The following ADCY10 variants were observed in gnomAD, a reference collection of about 807,000 sequenced individuals.
ADCY10 encodes adenylate cyclase 10, also known as adenylate cyclase type 10.
A neutral mutation model predicts 183.3 loss-of-function variants in ADCY10; 156 were observed. The ratio of observed to expected loss-of-function variants is 0.85; its 90% CI spans 0.75 to 0.97. ADCY10 has a LOEUF of 0.97. Among genes scored for constraint, ADCY10 ranks in the 50% least tolerant of loss-of-function variants. The pLI is 0.00. For missense variants in ADCY10, 1,745 were observed against 1,934.3 expected, an observed-to-expected ratio of 0.90 and a Z score of 1.84; for synonymous variants, 645 against 670.0, an observed-to-expected ratio of 0.96 and a Z score of 0.58.
chr1:167,809,516 C>A lies in ADCY10; in HGVS notation c.*162G>T. On this transcript the variant is annotated 3_prime_UTR_variant, in exon 33 of 33. Transcript: ENST00000367851. Reference sequence around the variant, plus strand: ...AGAAGTAAACCATGACACTCCTGACCCTTGTAGGCCCTCCAGAAAGAGAAG... The same window carrying A: ...AGAAGTAAACCATGACACTCCTGACACTTGTAGGCCCTCCAGAAAGAGAAG... 1.3e-6 allele frequency: 1 copy of A among 782,212 alleles called. No individual in the cohort carries two copies. Among genetic ancestry groups the A allele is most frequent in the Non-Finnish European group, 2.1e-6 (1 of 483,834 alleles). The allele number at this position is 782,212 out of a possible 1,614,324, so 48.5% of individuals were successfully genotyped here.
chr1:167,829,494 T>C, intron 25 of ADCY10, 71 bp from the exon 26 acceptor site: 1 of 1,573,062 alleles, frequency 6.4e-7, no homozygotes, highest in Non-Finnish European at 8.7e-7. Flanking sequence ...GGAGCACAGG[T>C]ACATGGTGTC....
At chr1:167,841,268 T>C (rs1174519943) in intron 21 of ADCY10, among the ~76,000 whole-genome samples, 2 of 151,990 alleles carry the variant, frequency 1.3e-5, no homozygotes, top group Admixed American at 1.3e-4. Context: ...AAAGTATAAA[T>C]TCAACATGTA....
At chr1:167,837,126 C>T in intron 22 of ADCY10, 123 bp downstream of exon 22, 1 of 838,842 alleles carries the variant, frequency 1.2e-6, no homozygotes, top group South Asian at 1.4e-5. Flanking sequence ...GCATACCCCC[C>T]AAAGTTTCCC....
chr1:167,824,337 G>A (rs1663118982), intron 28 of ADCY10, 139 bp downstream of exon 28: 2 of 782,682 alleles, frequency 2.6e-6, no homozygotes, highest in Non-Finnish European at 4.6e-6. Flanking sequence ...AAGAAAAAAG[G>A]GTGACTACTA....
chr1:167,885,279 ATTTCT>A (rs1343635618), intron 8 of ADCY10, among the ~76,000 whole-genome samples: 2 of 152,060 alleles, frequency 1.3e-5, no homozygotes, highest in African/African-American at 4.8e-5. Flanking sequence ...CAATATATTG[ATTTCT>A]TTTCTTTTGA....
At chr1:167,886,526 C>A (rs376673607) in intron 8 of ADCY10, among the ~76,000 whole-genome samples, 5 of 151,972 alleles carry the variant, frequency 3.3e-5, no homozygotes, top group East Asian at 3.9e-4. Context: ...TCCCTTCCTT[C>A]CACCTTATAC....
chr1:167,830,602 C>A (rs1013145188), intron 25 of ADCY10, among the ~76,000 whole-genome samples: 12 of 152,174 alleles, frequency 7.9e-5, no homozygotes, highest in African/African-American at 2.7e-4. Context: ...CCATGTTGGC[C>A]AGGCTGGTCC....
In ADCY10 at chr1:167,861,229, C is replaced by T. The variant is rs3738237; in HGVS notation, c.1617-166G>A. 3.3e-5 allele frequency among the ~76,000 whole-genome samples: 5 copies of T among 152,280 alleles called. No individual in the cohort carries two copies. The East Asian group carries it at 9.7e-4, about 29-fold the overall frequency. Reference sequence around the variant, plus strand: ...TATTGCTGCTTCTGATATACTCCCTCTTCTCCTGTTCCTAAGCCCTGATTA... The same window carrying T: ...TATTGCTGCTTCTGATATACTCCCTTTTCTCCTGTTCCTAAGCCCTGATTA... On this transcript the variant is annotated intron_variant, in intron 14 of 32. Transcript: ENST00000367851.
chr1:167,810,715 T>A lies in ADCY10; in HGVS notation c.4671+10A>T. The A allele has an allele frequency of 6.2e-7, 1 of 1,614,076 alleles. No homozygotes were observed. The highest frequency in any genetic ancestry group is 8.5e-7 in the Non-Finnish European group (1 of 1,179,942). ...ATCGCCACCCCGGTTTGCTAGCTGA[T>A]GATACATACTTTGTTCATGTTCAGC... On this transcript the variant is annotated intron_variant, in intron 32 of 32. Transcript: ENST00000367851.
intron 8 of ADCY10, among the ~76,000 whole-genome samples, chr1:167,888,893 A>G (rs950681095): frequency 4.0e-5 from 6 of 151,522 alleles, no homozygotes; most frequent in African/African-American, 1.5e-4. Context: ...AAAAAAAAGA[A>G]AAAGAAAGAA....
rs1666246989 is a variant in ADCY10 at position 167,861,039 on chromosome 1, C to A, written c.1641G>T (p.Lys547Asn). ...NHRIIAISLNKISFHQTFYTI... is the reference protein window; with the variant it reads ...NHRIIAISLNNISFHQTFYTI... ...TATAGAAAGTTTGATGGAAGCTGAT[C>A]TTATTCAATGAAATGGCAATAATCC... Residue 547 changes from lysine to asparagine, a missense_variant, in exon 15 of 33, where the codon AAG (lysine) becomes AAT (asparagine). Transcript: ENST00000367851. 6.2e-7 allele frequency: 1 copy of A among 1,613,928 alleles called. No homozygotes were observed. Among genetic ancestry groups the A allele is most frequent in the Admixed American group, 1.7e-5 (1 of 60,000 alleles).
chr1:167,888,798 C>G (rs935770384), intron 8 of ADCY10, among the ~76,000 whole-genome samples: 1 of 100,420 alleles, frequency 1.0e-5, no homozygotes, highest in Non-Finnish European at 2.1e-5. Context: ...ATAGAGTGAA[C>G]CCGGGAGGCG....
intron 16 of ADCY10, among the ~76,000 whole-genome samples, chr1:167,858,690 C>A (rs1183609072): frequency 6.6e-6 from 1 of 151,882 alleles, no homozygotes; most frequent in Non-Finnish European, 1.5e-5. Context: ...AAGTTCTCAC[C>A]AAAGAGGTGA....
chr1:167,860,830 C>T (rs766921223), intron 15 of ADCY10, 41 bp downstream of exon 15: 20 of 1,558,532 alleles, frequency 1.3e-5, no homozygotes, highest in Non-Finnish European at 1.7e-5. Flanking sequence ...GCTGTGCCTG[C>T]CCATGGCTAT....
chr1:167,910,805 C>T (rs1196717414), intron 1 of ADCY10, among the ~76,000 whole-genome samples: 4 of 152,168 alleles, frequency 2.6e-5, no homozygotes, highest in African/African-American at 4.8e-5. Context: ...CCCTCTCCTG[C>T]CCCCAGTTCA....
intron 21 of ADCY10, among the ~76,000 whole-genome samples, chr1:167,840,353 ATAT>A (rs1664526679): frequency 8.8e-6 from 1 of 114,110 alleles, no homozygotes; most frequent in Non-Finnish European, 1.7e-5. Flanking sequence ...TGGGTGAATC[ATAT>A]TATTATTACT....
intron 26 of ADCY10, among the ~76,000 whole-genome samples, chr1:167,828,002 C>G (rs568526577): frequency 6.6e-6 from 1 of 152,312 alleles, no homozygotes; most frequent in East Asian, 1.9e-4. Flanking sequence ...GCGTGAGCCA[C>G]CATGCCCCGC....
intron 23 of ADCY10, 96 bp downstream of exon 23, chr1:167,836,213 C>T (rs1334670627): frequency 3.4e-5 from 27 of 802,290 alleles, no homozygotes; most frequent in Middle Eastern, 4.4e-4. Context: ...GAATATACAA[C>T]GTGAAGTAAT....
chr1:167,875,642 C>G (rs1163370266), intron 12 of ADCY10, among the ~76,000 whole-genome samples: 1 of 152,166 alleles, frequency 6.6e-6, no homozygotes, highest in Non-Finnish European at 1.5e-5. Flanking sequence ...TTAATCCTGA[C>G]AAAAACACTG....
Sources: allele counts gnomAD v4.1 joint callset (sites outside exome capture counted in the v4.1 genomes callset), GRCh38; gene constraint gnomAD v4.1.1; transcripts MANE v1.5; gene names NCBI Gene and HGNC (gene_info 2026-07-23, HGNC 2026-07-21).